Variants in ATP2C2 observed in about 807,000 individuals in gnomAD.
ATP2C2 encodes ATPase secretory pathway Ca2+ transporting 2, also known as calcium-transporting ATPase type 2C member 2.
In ATP2C2, 171 loss-of-function variants were observed where a neutral mutation model predicts 110.8. That is an observed-to-expected ratio of 1.54 (90% CI 1.36 to 1.75). ATP2C2 has a LOEUF of 1.75. Among genes scored for constraint, ATP2C2 ranks in the 40% most tolerant of loss-of-function variants. ATP2C2 has a pLI of 0.00. For missense variants in ATP2C2, 1,963 were observed against 1,235.0 expected (o/e 1.59, Z -8.84); for synonymous variants, 804 against 508.4 (o/e 1.58, Z -7.82).
intron 24 of ATP2C2, 197 bp from the exon 25 acceptor site, chr16:84,461,517 A>T: frequency 3.2e-6 from 2 of 633,100 alleles, no homozygotes. Context: ...TGGTGGCAGC[A>T]AATCAGCATG....
intron 10 of ATP2C2, 103 bp from the exon 11 acceptor site, chr16:84,425,632 G>T: frequency 1.6e-6 from 2 of 1,280,892 alleles, no homozygotes; most frequent in South Asian, 2.4e-5. Context: ...GTTCCTCTGT[G>T]CATGCATTCC....
chr16:84,460,435 C>G lies in ATP2C2; in HGVS notation c.2334-219C>G, dbSNP rs569669041. The stretch of plus-strand genomic sequence containing the variant: ...TTACGGGGTGGTCTTCCTTCACTGT[C>G]TGCGGGACAGATGGAGGGGCACAGC... On this transcript the variant is annotated intron_variant, in intron 23 of 26. Transcript: ENST00000262429. The G allele has an allele frequency of 1.7e-4, 107 of 647,190 alleles. No homozygotes were observed. In the East Asian group the frequency reaches 2.7e-3, roughly 16 times the overall value. 40.1% of individuals were successfully genotyped at this position (647,190 alleles called of 1,614,324 possible). A position where few individuals can be genotyped will look rare whatever the true frequency, so the allele number is the denominator to read the frequency against.
intron 13 of ATP2C2, among the ~76,000 whole-genome samples, chr16:84,439,955 T>A (rs1395016496): frequency 6.6e-6 from 1 of 152,162 alleles, no homozygotes; most frequent in African/African-American, 2.4e-5. Context: ...CTGCCTCAGC[T>A]TCCCAAGTAG....
intron 18 of ATP2C2, among the ~76,000 whole-genome samples, chr16:84,452,714 G>A (rs184436206): frequency 6.6e-6 from 1 of 152,094 alleles, no homozygotes; most frequent in East Asian, 1.9e-4. Flanking sequence ...GCCCAGGCTG[G>A]TCTTGAACTC....
At chr16:84,453,796 G>C (rs1910540769) in intron 20 of ATP2C2, among the ~76,000 whole-genome samples, 1 of 152,154 alleles carries the variant, frequency 6.6e-6, no homozygotes, top group African/African-American at 2.4e-5. Flanking sequence ...GCTGTAATTG[G>C]ATAACGTAGA....
At chr16:84,453,270 G>T (rs764362892) in intron 19 of ATP2C2, 35 bp downstream of exon 19, 3 of 1,614,086 alleles carry the variant, frequency 1.9e-6, no homozygotes, top group Non-Finnish European at 2.5e-6. Flanking sequence ...CAGTGGGGCT[G>T]GGTCACAGCT....
At chr16:84,395,887 T>C (rs1904943316) in intron 1 of ATP2C2, among the ~76,000 whole-genome samples, 1 of 152,138 alleles carries the variant, frequency 6.6e-6, no homozygotes, top group South Asian at 2.1e-4. Context: ...CTCTCTGGCA[T>C]TAAGTATATT....
At position 84,453,242 on chromosome 16, in the gene ATP2C2, C is replaced by A. The variant is rs781102465; in HGVS notation, c.1929+7C>A. 2.5e-6 allele frequency: 4 copies of A among 1,613,960 alleles called. No homozygotes were observed. The highest frequency in any genetic ancestry group is 2.5e-6 in the Non-Finnish European group (3 of 1,179,920). On this transcript the variant is annotated splice_region_variant and intron_variant, in intron 19 of 26. Transcript: ENST00000262429. ...GGCCGACCGCGTGGGGAAGGTGGGT[C>A]CCCGGAGGCTTGGCTGGCAGTGGGG... is the stretch of plus-strand genomic sequence containing the variant.
chr16:84,436,769 T>TTG (rs1479514785), intron 11 of ATP2C2, among the ~76,000 whole-genome samples: 3 of 149,592 alleles, frequency 2.0e-5, no homozygotes, highest in Non-Finnish European at 3.0e-5. Context: ...GGCTGTTTTT[T>TTG]TTTTTTTTTT....
chr16:84,418,927 G>A (rs904668166), intron 7 of ATP2C2, among the ~76,000 whole-genome samples: 1 of 152,102 alleles, frequency 6.6e-6, no homozygotes, highest in Non-Finnish European at 1.5e-5. Context: ...TGCTAACAGG[G>A]TCCAGGCGCG....
At position 84,442,605 on chromosome 16, in the gene ATP2C2, AGG is replaced by A; in HGVS notation, c.1401+7_1401+8del. ...TGATGGCCCTGGCGATGAAGGTAGGAGGTCCTGGGGTGGCTCTGCGGGGAATT... is the reference window on the plus strand; with the variant it reads ...TGATGGCCCTGGCGATGAAGGTAGGATCCTGGGGTGGCTCTGCGGGGAATT... On this transcript the variant is annotated splice_region_variant and intron_variant, in intron 15 of 26. Coordinates refer to ENST00000262429, the MANE Select transcript of ATP2C2 (RefSeq NM_014861.4). 1 of 1,613,496 alleles carries A rather than the reference AGG, an allele frequency of 6.2e-7. No individual in the cohort carries two copies. Among genetic ancestry groups the A allele is most frequent in the Non-Finnish European group, 8.5e-7 (1 of 1,179,630 alleles).
intron 20 of ATP2C2, among the ~76,000 whole-genome samples, chr16:84,454,587 A>C (rs1910612860): frequency 6.6e-6 from 1 of 152,164 alleles, no homozygotes; most frequent in African/African-American, 2.4e-5. Context: ...TTTGGGCCTC[A>C]CAACAGCCCT....
chr16:84,436,591 T>G (rs1336064226), intron 11 of ATP2C2, among the ~76,000 whole-genome samples: 2 of 152,100 alleles, frequency 1.3e-5, no homozygotes, highest in Non-Finnish European at 2.9e-5. Context: ...AGTCTCTTTC[T>G]AGAAATTGTA....
intron 1 of ATP2C2, among the ~76,000 whole-genome samples, chr16:84,374,576 G>A (rs933001598): frequency 1.3e-5 from 2 of 152,088 alleles, no homozygotes; most frequent in Non-Finnish European, 2.9e-5. Flanking sequence ...TTTAATAAGG[G>A]TAAAGAATCC....
rs180956368 is a variant in ATP2C2 at position 84,375,326 on chromosome 16, G to A, written c.99+6612G>A. Among the ~76,000 whole-genome samples the A allele has an allele frequency of 1.2e-4, 19 of 152,274 alleles. No individual in the cohort carries two copies. The South Asian group carries it at 2.3e-3, about 18-fold the overall frequency. On this transcript the variant is annotated intron_variant, in intron 1 of 26. Transcript: ENST00000262429. ...GGAGTCCCAGGTGCGTGGATCACTT[G>A]AGGTCAGGAGTTCGAGACCAGCCTG...
At chr16:84,398,452 A>G (rs375905704) in intron 1 of ATP2C2, 47 bp from the exon 2 acceptor site, 2 of 1,108,812 alleles carry the variant, frequency 1.8e-6, no homozygotes, top group Non-Finnish European at 2.5e-6. Context: ...AAAATTAATC[A>G]GTACAAAAGT....
intron 18 of ATP2C2, 119 bp downstream of exon 18, chr16:84,452,210 C>G: frequency 7.9e-7 from 1 of 1,261,648 alleles, no homozygotes; most frequent in Non-Finnish European, 1.1e-6. Flanking sequence ...CCTAGCCCTA[C>G]AGGCTTAGAA....
rs111604052 is a variant in ATP2C2, at chr16:84,463,796, G to A, written c.*64G>A. The A allele has an allele frequency of 8.9e-5, 125 of 1,399,998 alleles. 3 individuals carry two copies. The African/African-American group carries it at 1.1e-3, about 12-fold the overall frequency. The allele number at this position is 1,399,998 out of a possible 1,614,324, so 86.7% of individuals were successfully genotyped here. A position where few individuals can be genotyped will look rare whatever the true frequency, so the allele number is the denominator to read the frequency against. ...TCTGGTTGTGACTGTGGCCCCTGCC[G>A]TGTCTCCTCGTCAGGGGAGACTTTT... On this transcript the variant is annotated 3_prime_UTR_variant, in exon 27 of 27. Coordinates refer to ENST00000262429, the MANE Select transcript of ATP2C2 (RefSeq NM_014861.4).
At chr16:84,463,375 C>T (rs1391451636) in intron 26 of ATP2C2, among the ~76,000 whole-genome samples, 2 of 152,150 alleles carry the variant, frequency 1.3e-5, no homozygotes, top group Non-Finnish European at 1.5e-5. Flanking sequence ...CAGCTGCCTG[C>T]CAGACCCACC....
Sources: gnomAD v4.1 joint callset for allele counts (sites outside exome capture counted in the v4.1 genomes callset) on GRCh38, gnomAD v4.1.1 for gene constraint, MANE v1.5 for transcripts, NCBI Gene and HGNC (gene_info 2026-07-23, HGNC 2026-07-21) for gene names.